The following PSMC1 variants were observed in gnomAD, a reference collection of about 807,000 sequenced individuals.
PSMC1 encodes 26S proteasome regulatory subunit 4.
Under a neutral mutation model 49.8 loss-of-function variants are expected in PSMC1, and 5 were observed. The ratio of observed to expected loss-of-function variants is 0.10; its 90% CI spans 0.05 to 0.21. The LOEUF (loss-of-function observed/expected upper bound fraction) is 0.21. Ranked by LOEUF, PSMC1 falls within the 10% of genes least tolerant of loss-of-function variation. The probability of loss-of-function intolerance (pLI) is 1.00; values close to 1 mark genes in which losing one functional copy is unlikely to be tolerated. For missense variants in PSMC1, 181 were observed against 535.7 expected (o/e 0.34, Z 6.54); for synonymous variants, 155 against 192.1 (o/e 0.81, Z 1.60).
At chr14:90,260,328 C>A in intron 3 of PSMC1, 117 bp downstream of exon 3, 1 of 700,938 alleles carries the variant, frequency 1.4e-6, no homozygotes, top group Non-Finnish European at 2.4e-6. Context: ...GAAGCTCTAG[C>A]TTTGTGATTC....
intron 7 of PSMC1, 41 bp downstream of exon 7, chr14:90,265,207 C>T: frequency 7.2e-7 from 1 of 1,388,926 alleles, no homozygotes; most frequent in Non-Finnish European, 1.0e-6. Context: ...CCCAGCTGGT[C>T]TCTTGAGCAG....
chr14:90,266,265 C>CA (rs35743896), intron 7 of PSMC1, among the ~76,000 whole-genome samples: 31 of 148,038 alleles, frequency 2.1e-4, no homozygotes, highest in East Asian at 7.8e-4. Flanking sequence ...AAAAAAAAAA[C>CA]AAAAAAAACC....
Position 90,265,358 on chromosome 14 carries a change from A to T in PSMC1, c.691+192A>T, listed in dbSNP as rs1891484362. Among the ~76,000 whole-genome samples, 3 of 150,078 alleles carry T rather than the reference A, an allele frequency of 2.0e-5. No homozygotes were observed. The South Asian group carries it at 6.3e-4, about 32-fold the overall frequency. On this transcript the variant is annotated intron_variant, in intron 7 of 10. Coordinates refer to ENST00000261303, the MANE Select transcript of PSMC1 (RefSeq NM_002802.3). ...AATACTGATGGAAAAAAAAAAAAAA[A>T]GCCTGAGCAACTTGGTGAAACCCTG...
intron 8 of PSMC1, chr14:90,269,091 T>C: frequency 8.1e-6 from 2 of 248,382 alleles, no homozygotes; most frequent in South Asian, 9.9e-5. Flanking sequence ...TAAGGCCTTT[T>C]TCTCTTTTTA....
At chr14:90,268,794 TATG>T (rs1474108069) in intron 8 of PSMC1, 1 of 176,234 alleles carries the variant, frequency 5.7e-6, no homozygotes, top group Non-Finnish European at 1.2e-5. Flanking sequence ...TATGAAAAAA[TATG>T]ATCTGTAACT....
intron 7 of PSMC1, among the ~76,000 whole-genome samples, chr14:90,265,593 G>A (rs2139647231): frequency 6.6e-6 from 1 of 151,738 alleles, no homozygotes; most frequent in South Asian, 2.1e-4. Flanking sequence ...GGAGGCTGAG[G>A]CAGGAGAATG....
intron 5 of PSMC1, 94 bp downstream of exon 5, chr14:90,263,941 C>T (rs1339685076): frequency 8.8e-6 from 14 of 1,585,360 alleles, no homozygotes; most frequent in Non-Finnish European, 1.2e-5. Flanking sequence ...ATCACCAAAG[C>T]ACTCCTCAGG....
intron 3 of PSMC1, among the ~76,000 whole-genome samples, chr14:90,261,830 C>G (rs926608266): frequency 6.7e-6 from 1 of 149,722 alleles, no homozygotes; most frequent in Non-Finnish European, 1.5e-5. Flanking sequence ...ATAAATCAAG[C>G]TGCTATAAAG....
At chr14:90,257,612 AATTTTT>A (rs1158965833) in intron 1 of PSMC1, among the ~76,000 whole-genome samples, 1 of 152,024 alleles carries the variant, frequency 6.6e-6, no homozygotes, top group Non-Finnish European at 1.5e-5. Flanking sequence ...TTTTAATTTT[AATTTTT>A]ATTTTTTTGA....
chr14:90,260,673 A>C (rs1014894803), intron 3 of PSMC1, among the ~76,000 whole-genome samples: 2 of 152,190 alleles, frequency 1.3e-5, no homozygotes, highest in African/African-American at 4.8e-5. Flanking sequence ...CGGAGCTTGC[A>C]GTGAGCTGAG....
intron 7 of PSMC1, among the ~76,000 whole-genome samples, 174 bp downstream of exon 7, chr14:90,265,340 A>G (rs1239209547): frequency 7.0e-6 from 1 of 143,392 alleles, no homozygotes; most frequent in East Asian, 2.1e-4. Context: ...AAAAATACTG[A>G]TGGAAAAAAA....
chr14:90,263,243 T>A (rs1160849275), intron 3 of PSMC1, 75 bp from the exon 4 acceptor site: 2 of 1,454,844 alleles, frequency 1.4e-6, no homozygotes. Context: ...GAGCGTATTT[T>A]AAAATCTTAA....
At chr14:90,261,843 C>A (rs11846321) in intron 3 of PSMC1, among the ~76,000 whole-genome samples, 78,359 of 144,822 alleles carry the variant, frequency 0.54, 22,002 homozygotes, top group Middle Eastern at 0.71. Flanking sequence ...CTATAAAGAC[C>A]CATGCACATG....
At chr14:90,264,775 AC>A (rs1345490587) in intron 6 of PSMC1, among the ~76,000 whole-genome samples, 1 of 152,142 alleles carries the variant, frequency 6.6e-6, no homozygotes, top group African/African-American at 2.4e-5. Flanking sequence ...AAAAGGGTCA[AC>A]TTGAGCTTTA....
intron 1 of PSMC1, 70 bp downstream of exon 1, chr14:90,256,670 G>A (rs1732754286): frequency 6.4e-7 from 1 of 1,556,732 alleles, no homozygotes; most frequent in African/African-American, 1.4e-5. Flanking sequence ...TGAGGCGAGA[G>A]AAAGAGGCGG....
intron 7 of PSMC1, among the ~76,000 whole-genome samples, chr14:90,267,076 C>T (rs987606433): frequency 6.6e-6 from 1 of 152,010 alleles, no homozygotes; most frequent in African/African-American, 2.4e-5. Flanking sequence ...GATCCCAGGT[C>T]TTCCAATTCA....
At chr14:90,263,573 C>A in intron 4 of PSMC1, 89 bp from the exon 5 acceptor site, 1 of 1,497,050 alleles carries the variant, frequency 6.7e-7, no homozygotes, top group Middle Eastern at 1.8e-4. Flanking sequence ...CTTTTACAAG[C>A]ATCGGCTGCT....
chr14:90,263,042 G>C (rs1219886593), intron 3 of PSMC1, among the ~76,000 whole-genome samples: 1 of 152,102 alleles, frequency 6.6e-6, no homozygotes, highest in Non-Finnish European at 1.5e-5. Flanking sequence ...TGGGTCAGTA[G>C]CTTTTTTCTT....
intron 10 of PSMC1, chr14:90,270,586 T>TACCAG: frequency 4.6e-6 from 2 of 437,644 alleles, no homozygotes; most frequent in South Asian, 4.4e-5. Flanking sequence ...CAAGGCTGAG[T>TACCAG]CGCTGGTACT....
Sources: allele counts gnomAD v4.1 joint callset (sites outside exome capture counted in the v4.1 genomes callset), GRCh38; gene constraint gnomAD v4.1.1; transcripts MANE v1.5; gene names NCBI Gene and HGNC (gene_info 2026-07-23, HGNC 2026-07-21).